ZNF234: variants seen among roughly 807,000 people sequenced by gnomAD.
The protein encoded by ZNF234 is C2-H2 type zinc finger protein.
ZNF234 carries 4 observed loss-of-function variants against 10.3 expected under a neutral mutation model. The ratio of observed to expected loss-of-function variants is 0.39; its 90% CI spans 0.19 to 0.89. The LOEUF (loss-of-function observed/expected upper bound fraction) is 0.89. ZNF234 is among the 40% of genes least tolerant of loss of function. The probability of loss-of-function intolerance (pLI) is 0.38; values close to 1 mark genes in which losing one functional copy is unlikely to be tolerated. For synonymous variants in ZNF234, 258 were observed against 280.1 expected (o/e 0.92, Z 0.79); for missense variants, 711 against 836.1 (o/e 0.85, Z 1.85).
chr19:44,148,130 AAG>A (rs1188675528), intron 3 of ZNF234, among the ~76,000 whole-genome samples: 1 of 152,200 alleles, frequency 6.6e-6, no homozygotes, highest in African/African-American at 2.4e-5. Context: ...CAACGTTTGA[AAG>A]AACTCTGTCA....
rs770174418 is a variant in ZNF234 at position 44,157,565 on chromosome 19, T to C, written c.1549T>C (p.Cys517Arg). 3.5e-5 allele frequency: 56 copies of C among 1,613,902 alleles called. No individual in the cohort carries two copies. The highest frequency in any genetic ancestry group is 3.4e-5 in the Non-Finnish European group (40 of 1,179,994). Residue 517 changes from cysteine to arginine, a missense_variant, in exon 6 of 6, where the codon TGT (cysteine) becomes CGT (arginine). By Grantham distance (180) the Cys-to-Arg change is radical. Coordinates refer to ENST00000426739, the MANE Select transcript of ZNF234 (RefSeq NM_006630.3). The stretch of plus-strand genomic sequence containing the variant: ...GGAGAAACCATATAATTGTGAGGAG[T>C]GTGGGAAGGTCTTCAGTCAGGCCTC... Reference protein sequence around the residue: ...TGEKPYNCEECGKVFSQASHL... With the variant: ...TGEKPYNCEERGKVFSQASHL...
At chr19:44,150,733 T>C (rs1050591017) in intron 5 of ZNF234, among the ~76,000 whole-genome samples, 1 of 152,142 alleles carries the variant, frequency 6.6e-6, no homozygotes, top group Non-Finnish European at 1.5e-5. Context: ...GTAAGTCAGA[T>C]TGCCATTCCT....
At position 44,157,138 on chromosome 19, in the gene ZNF234, TAA is replaced by T. The variant is rs765020345; in HGVS notation, c.1124_1125del (p.Lys375SerfsTer4). ...IHTGEKPYVCKVCGKGFIYSS... is the reference protein window; with the variant it reads ...IHTGEKPYVCXVCGKGFIYSS... ...ACACTGGAGAGAAACCATACGTATG[TAA>T]AGTGTGTGGTAAGGGTTTCATTTAC... On this transcript the variant is annotated frameshift_variant, in exon 6 of 6. Coordinates refer to ENST00000426739, the MANE Select transcript of ZNF234 (RefSeq NM_006630.3). LOFTEE classifies it low-confidence loss of function (END_TRUNC). 6.2e-7 allele frequency: 1 copy of T among 1,614,114 alleles called. No individual in the cohort carries two copies. Among genetic ancestry groups the T allele is most frequent in the South Asian group, 1.1e-5 (1 of 91,084 alleles).
chr19:44,146,471 A>T (rs1420508311), intron 3 of ZNF234, among the ~76,000 whole-genome samples: 1 of 152,174 alleles, frequency 6.6e-6, no homozygotes. Context: ...TGGTTCATTC[A>T]ACCTCTGCAC....
intron 5 of ZNF234, among the ~76,000 whole-genome samples, chr19:44,152,320 A>T (rs73564053): frequency 0.014 from 2,184 of 152,284 alleles, 60 homozygotes; most frequent in African/African-American, 0.05. Flanking sequence ...TACATGGCAG[A>T]TATCTGTTAA....
At position 44,157,114 on chromosome 19, in the gene ZNF234, C is replaced by A; in HGVS notation, c.1098C>A (p.His366Gln). 6.2e-7 allele frequency: 1 copy of A among 1,614,194 alleles called. No individual in the cohort carries two copies. The highest frequency in any genetic ancestry group is 8.5e-7 in the Non-Finnish European group (1 of 1,180,026). Residue 366 changes from histidine to glutamine, a missense_variant, in exon 6 of 6, where the codon CAC (histidine) becomes CAA (glutamine). Physicochemically the swap from His to Gln is conservative, Grantham distance 24 (BLOSUM62 0). Transcript: ENST00000426739. ...AATTTCAGGCCCATCGGAGAATCCA[C>A]ACTGGAGAGAAACCATACGTATGTA... is the stretch of plus-strand genomic sequence containing the variant. The part of the protein sequence containing the change: ...PSQFQAHRRI[H>Q]TGEKPYVCKV...
At chr19:44,151,227 A>G (rs976405763) in intron 5 of ZNF234, among the ~76,000 whole-genome samples, 6 of 151,848 alleles carry the variant, frequency 4.0e-5, no homozygotes, top group African/African-American at 1.2e-4. Context: ...TGGTAAGGAC[A>G]TTGCTCGCTC....
At chr19:44,149,910 G>C (rs966163185) in intron 4 of ZNF234, 5 of 152,254 alleles carry the variant, frequency 3.3e-5, no homozygotes, top group Non-Finnish European at 7.3e-5. Context: ...CTGGGAGCCC[G>C]CTGACTATAC....
Position 44,156,374 on chromosome 19 carries a change from A to T in ZNF234, c.358A>T (p.Ser120Cys). The T allele has an allele frequency of 1.2e-6, 2 of 1,613,632 alleles. No individual in the cohort carries two copies. The highest frequency in any genetic ancestry group is 1.7e-6 in the Non-Finnish European group (2 of 1,179,744). ...DLIKYEDSMISISRFPRQGDL... is the reference protein window; with the variant it reads ...DLIKYEDSMICISRFPRQGDL... ...AATCAAGTATGAAGACTCTATGATA[A>T]GTATTTCTCGGTTCCCCAGACAAGG... Residue 120 changes from serine (S) to cysteine (C), a missense_variant, in exon 6 of 6, where the codon AGT (serine) becomes TGT (cysteine). Physicochemically the swap from Ser to Cys is moderately radical, Grantham distance 112. Transcript: ENST00000426739.
intron 5 of ZNF234, 136 bp downstream of exon 5, chr19:44,150,641 C>T: frequency 1.6e-6 from 1 of 619,472 alleles, no homozygotes; most frequent in South Asian, 2.1e-5. Context: ...GTACTGGGCG[C>T]ACTGCATCCA....
At chr19:44,142,521 G>A (rs1394931792) in intron 2 of ZNF234, among the ~76,000 whole-genome samples, 154 bp downstream of exon 2, 1 of 152,234 alleles carries the variant, frequency 6.6e-6, no homozygotes, top group Non-Finnish European at 1.5e-5. Context: ...ACGTGACTCT[G>A]TGGAGAGGTA....
In ZNF234 at chr19:44,156,809, T is replaced by C; in HGVS notation, c.793T>C (p.Cys265Arg). Reference sequence around the variant, plus strand: ...AGAGAAACCTTACAATTGTGAGGAATGTGGAAGGGCCTTCATACATGCTTC... The same window carrying C: ...AGAGAAACCTTACAATTGTGAGGAACGTGGAAGGGCCTTCATACATGCTTC... ...SGEKPYNCEECGRAFIHASHL... is the reference protein window; with the variant it reads ...SGEKPYNCEERGRAFIHASHL... The change falls in exon 6 of 6, where the codon TGT (cysteine) becomes CGT (arginine). Residue 265 changes from cysteine (C) to arginine (R), a missense_variant. Transcript: ENST00000426739. 6.2e-7 allele frequency: 1 copy of C among 1,609,434 alleles called. No individual in the cohort carries two copies. The highest frequency in any genetic ancestry group is 8.5e-7 in the Non-Finnish European group (1 of 1,176,566).
chr19:44,148,693 T>C, intron 3 of ZNF234, 78 bp from the exon 4 acceptor site: 1 of 1,596,560 alleles, frequency 6.3e-7, no homozygotes, highest in Non-Finnish European at 8.6e-7. Flanking sequence ...TCCCCCTACA[T>C]ACTCTCCACT....
At position 44,157,597 on chromosome 19, in the gene ZNF234, T is replaced by C. The variant is rs376341463; in HGVS notation, c.1581T>C (p.Leu527=). The C allele has an allele frequency of 6.2e-6, 10 of 1,611,960 alleles. No individual in the cohort carries two copies. The African/African-American group carries it at 1.3e-4, about 22-fold the overall frequency. ...AGGTCTTCAGTCAGGCCTCGCATCT[T>C]CTAACCCATCAGAGAGTTCACAGTG... ...CGKVFSQASH[L]LTHQRVHSGE... Residue 527 remains leucine (L), a synonymous_variant, in exon 6 of 6, where the codon CTT becomes CTC. Coordinates refer to ENST00000426739, the MANE Select transcript of ZNF234 (RefSeq NM_006630.3).
chr19:44,146,539 G>T (rs1030675413), intron 3 of ZNF234, among the ~76,000 whole-genome samples: 6 of 152,150 alleles, frequency 3.9e-5, no homozygotes, highest in Admixed American at 2.0e-4. Flanking sequence ...GGATCAGGGG[G>T]TGAGGTTTTT....
At chr19:44,142,933 T>C (rs1434786889) in intron 2 of ZNF234, among the ~76,000 whole-genome samples, 1 of 152,206 alleles carries the variant, frequency 6.6e-6, no homozygotes, top group Non-Finnish European at 1.5e-5. Context: ...CTTATAAATG[T>C]TTTACAAAAT....
At chr19:44,143,773 C>T (rs1968527460) in intron 2 of ZNF234, among the ~76,000 whole-genome samples, 1 of 152,036 alleles carries the variant, frequency 6.6e-6, no homozygotes, top group African/African-American at 2.4e-5. Context: ...GATTGCACCA[C>T]TGCTCTCCAG....
chr19:44,147,829 G>A (rs1186990142), intron 3 of ZNF234, among the ~76,000 whole-genome samples: 1 of 151,832 alleles, frequency 6.6e-6, no homozygotes, highest in Non-Finnish European at 1.5e-5. Context: ...TCCAGCCTGG[G>A]CAACAAGAGT....
rs777795041 is a variant in ZNF234 at position 44,157,071 on chromosome 19, G to T, written c.1055G>T (p.Cys352Phe). The T allele has an allele frequency of 6.2e-7, 1 of 1,614,094 alleles. No homozygotes were observed. Among genetic ancestry groups the T allele is most frequent in the Admixed American group, 1.7e-5 (1 of 60,012 alleles). Reference protein sequence around the residue: ...KPYKCEECGKCFIQPSQFQAH... With the variant: ...KPYKCEECGKFFIQPSQFQAH... ...TACAAGTGTGAAGAATGTGGTAAGT[G>T]CTTTATTCAGCCTTCACAATTTCAG... Residue 352 changes from cysteine (C) to phenylalanine (F), a missense_variant, in exon 6 of 6, where the codon TGC becomes TTC. Cys to Phe is a radical substitution (Grantham distance 205). Coordinates refer to ENST00000426739, the MANE Select transcript of ZNF234 (RefSeq NM_006630.3).
Sources: allele counts gnomAD v4.1 joint callset (sites outside exome capture counted in the v4.1 genomes callset), GRCh38; gene constraint gnomAD v4.1.1; transcripts MANE v1.5; gene names NCBI Gene and HGNC (gene_info 2026-07-23, HGNC 2026-07-21).